Variants in EFCAB7 observed in about 807,000 individuals in gnomAD.
EFCAB7 encodes EF-hand calcium binding domain 7.
A neutral mutation model predicts 77.1 loss-of-function variants in EFCAB7; 66 were observed. The observed-to-expected ratio is 0.86, with a 90% CI of 0.70 to 1.05. EFCAB7 has a LOEUF of 1.05. Ranked by LOEUF, EFCAB7 falls within the 50% of genes least tolerant of loss-of-function variation. The probability of loss-of-function intolerance (pLI) is 0.00; values close to 1 mark genes in which losing one functional copy is unlikely to be tolerated. For synonymous variants in EFCAB7, 225 were observed against 243.3 expected (o/e 0.92, Z 0.70); for missense variants, 638 against 730.5 (o/e 0.87, Z 1.46).
At position 63,562,812 on chromosome 1, in the gene EFCAB7, C is replaced by T. The variant is rs866334172; in HGVS notation, c.1497+955C>T. Among the ~76,000 whole-genome samples, 14 of 151,818 alleles carry T rather than the reference C, an allele frequency of 9.2e-5. No individual in the cohort carries two copies. In the East Asian group the frequency reaches 2.1e-3, roughly 23 times the overall value. On this transcript the variant is annotated intron_variant, in intron 11 of 13. Coordinates refer to ENST00000371088, the MANE Select transcript of EFCAB7 (RefSeq NM_032437.4). The stretch of plus-strand genomic sequence containing the variant: ...TTACATAACAGTACATTTGTTTATA[C>T]TCTTAAAATTAAAAATAGTATTTGT...
rs150849292 is a variant in EFCAB7 at position 63,538,490 on chromosome 1, A to G, written c.804+4274A>G. On this transcript the variant is annotated intron_variant, in intron 6 of 13. Coordinates refer to ENST00000371088, the MANE Select transcript of EFCAB7 (RefSeq NM_032437.4). ...TTTTTTTGAGATGGAGTCTCACTCT[A>G]TTGCCCAGGCTGGAGTGCAGTGGCA... 7.3e-3 allele frequency among the ~76,000 whole-genome samples: 1,104 copies of G among 150,414 alleles called. 14 individuals are homozygous for G. The highest frequency in any genetic ancestry group is 0.024 in the African/African-American group (977 of 40,840).
rs1006964858 is a variant in EFCAB7, at chr1:63,552,428, G to A, written c.1056+594G>A. 3.9e-5 allele frequency among the ~76,000 whole-genome samples: 6 copies of A among 152,150 alleles called. No individual in the cohort carries two copies. In the South Asian group the frequency reaches 6.2e-4, roughly 16 times the overall value. ...TTTTCCCTAAATGCAAGCAATTCAA[G>A]ACTTTGGAAAAGCTGCTGTAGACGT... is the stretch of plus-strand genomic sequence containing the variant. On this transcript the variant is annotated intron_variant, in intron 8 of 13. Transcript: ENST00000371088.
chr1:63,545,487 G>A (rs904399769), intron 6 of EFCAB7, among the ~76,000 whole-genome samples: 1 of 151,998 alleles, frequency 6.6e-6, no homozygotes, highest in Non-Finnish European at 1.5e-5. Flanking sequence ...ATTTTTTTGA[G>A]ACGGAGTTTC....
At chr1:63,562,449 T>A (rs6701828) in intron 11 of EFCAB7, among the ~76,000 whole-genome samples, 940 of 21,890 alleles carry the variant, frequency 0.043, 61 homozygotes, top group Middle Eastern at 0.17. Context: ...CTTAATTTAT[T>A]TATATATATA....
chr1:63,557,203 C>CA lies in EFCAB7; in HGVS notation c.1306dup (p.Ser436LysfsTer3), dbSNP rs1156819819. On this transcript the variant is annotated frameshift_variant, in exon 10 of 14. Transcript: ENST00000371088. LOFTEE classifies it high-confidence loss of function. Reference sequence around the variant, plus strand: ...GAATATAATTTTTTTGAATTGAGAACAAGTGGTGAGAAATGTGATGAAGAT... The same window carrying CA: ...GAATATAATTTTTTTGAATTGAGAACAAAGTGGTGAGAAATGTGATGAAGAT... 1 of 1,610,204 alleles carries CA rather than the reference C, an allele frequency of 6.2e-7. No homozygotes were observed. The highest frequency in any genetic ancestry group is 1.7e-5 in the Admixed American group (1 of 59,016).
the EFCAB7 span, among the ~76,000 whole-genome samples, chr1:63,581,503 T>G: frequency 6.6e-6 from 1 of 152,282 alleles, no homozygotes; most frequent in South Asian, 2.1e-4. Context: ...TGGTACCTTA[T>G]TTTCTGATCT....
At chr1:63,530,431 G>T (rs1646675695) in intron 2 of EFCAB7, among the ~76,000 whole-genome samples, 1 of 152,066 alleles carries the variant, frequency 6.6e-6, no homozygotes, top group Admixed American at 6.5e-5. Flanking sequence ...TTTATCATTG[G>T]TTCATTTTAG....
chr1:63,560,653 C>G (rs1647087519), intron 10 of EFCAB7, among the ~76,000 whole-genome samples: 1 of 151,632 alleles, frequency 6.6e-6, no homozygotes, highest in Non-Finnish European at 1.5e-5. Flanking sequence ...GTGGCTGGGA[C>G]TACAGGTGCA....
intron 6 of EFCAB7, among the ~76,000 whole-genome samples, chr1:63,541,601 G>A (rs949518947): frequency 1.3e-5 from 2 of 151,640 alleles, no homozygotes; most frequent in Admixed American, 1.3e-4. Flanking sequence ...GTTTTGCCGT[G>A]TTACCCAGGC....
intron 6 of EFCAB7, among the ~76,000 whole-genome samples, chr1:63,539,070 A>T (rs1646798067): frequency 6.6e-6 from 1 of 152,226 alleles, no homozygotes; most frequent in South Asian, 2.1e-4. Context: ...CATGGTACTT[A>T]GGAAAGACTT....
At chr1:63,557,571 A>C (rs1647047152) in intron 10 of EFCAB7, among the ~76,000 whole-genome samples, 1 of 152,204 alleles carries the variant, frequency 6.6e-6, no homozygotes, top group South Asian at 2.1e-4. Context: ...AGAACCACAA[A>C]CTGTGACCAG....
At chr1:63,533,313 AAAAAAT>A (rs1646722771) in intron 4 of EFCAB7, 135 bp from the exon 5 acceptor site, 1 of 626,632 alleles carries the variant, frequency 1.6e-6, no homozygotes, top group South Asian at 2.5e-5. Context: ...ATCTGATTCA[AAAAAAT>A]AAAATGCGTA....
At chr1:63,583,261 T>G in the EFCAB7 span, among the ~76,000 whole-genome samples, 3,266 of 152,196 alleles carry the variant, frequency 0.021, 43 homozygotes, top group Non-Finnish European at 0.033. Flanking sequence ...AGATTGCCCT[T>G]ATCTATAAAG....
chr1:63,573,415 T>C (rs1056165612), downstream of EFCAB7, among the ~76,000 whole-genome samples: 2 of 152,032 alleles, frequency 1.3e-5, no homozygotes, highest in African/African-American at 4.8e-5. Flanking sequence ...AAACAGGTAT[T>C]AAAGGACTAA....
rs758329582 is a variant in EFCAB7 at position 63,525,681 on chromosome 1, A to G, written c.109A>G (p.Met37Val). 82 of 1,602,378 alleles carry G rather than the reference A, an allele frequency of 5.1e-5. No homozygotes were observed. Among genetic ancestry groups the G allele is most frequent in the Non-Finnish European group, 6.9e-5 (81 of 1,177,610 alleles). ...ACTAACTGAAGAGGAAATATTTTAT[A>G]TGAATTGTAGAGCTGCCTACTTAAC... The part of the protein sequence containing the change: ...FPLTEEEIFY[M>V]NCRAAYLTVF... Residue 37 changes from methionine (M) to valine (V), a missense_variant, in exon 2 of 14, where the codon ATG becomes GTG. Coordinates refer to ENST00000371088, the MANE Select transcript of EFCAB7 (RefSeq NM_032437.4).
chr1:63,557,869 A>G (rs1174660922), intron 10 of EFCAB7, among the ~76,000 whole-genome samples: 1 of 152,218 alleles, frequency 6.6e-6, no homozygotes, highest in Non-Finnish European at 1.5e-5. Context: ...GCCATAGCCA[A>G]CTATAGATCA....
At chr1:63,555,165 C>T (rs1053205249) in intron 8 of EFCAB7, 193 bp from the exon 9 acceptor site, 55 of 484,076 alleles carry the variant, frequency 1.1e-4, no homozygotes, top group Non-Finnish European at 1.7e-4. Flanking sequence ...CTAATGATCT[C>T]ATAATGGGAT....
the EFCAB7 span, among the ~76,000 whole-genome samples, chr1:63,582,590 T>C: frequency 6.6e-6 from 1 of 152,220 alleles, no homozygotes; most frequent in Admixed American, 6.5e-5. Context: ...GAAGTCATTA[T>C]ATGACAAAGC....
intron 2 of EFCAB7, among the ~76,000 whole-genome samples, chr1:63,531,551 A>C (rs1299712294): frequency 6.6e-6 from 1 of 152,162 alleles, no homozygotes; most frequent in Admixed American, 6.5e-5. Context: ...TAAACCATGT[A>C]GGTTGAGAAC....
Sources: allele counts gnomAD v4.1 joint callset (sites outside exome capture counted in the v4.1 genomes callset), GRCh38; gene constraint gnomAD v4.1.1; transcripts MANE v1.5; gene names NCBI Gene and HGNC (gene_info 2026-07-23, HGNC 2026-07-21).